Variants in ATCAY observed in about 807,000 individuals in gnomAD.
The protein encoded by ATCAY is caytaxin.
ATCAY carries 22 observed loss-of-function variants against 47.7 expected under a neutral mutation model. That is an observed-to-expected ratio of 0.46 (90% CI 0.33 to 0.66). ATCAY has a LOEUF of 0.66. Among genes scored for constraint, ATCAY ranks in the 30% least tolerant of loss-of-function variants. The probability of loss-of-function intolerance (pLI) is 0.02; values close to 1 mark genes in which losing one functional copy is unlikely to be tolerated. For missense variants in ATCAY, 452 were observed against 515.0 expected (o/e 0.88, Z 1.18); for synonymous variants, 216 against 207.6 (o/e 1.04, Z -0.35).
rs140729605 is a variant in ATCAY at position 3,899,252 on chromosome 19, G to A, written c.78-3235G>A. 3.8e-3 allele frequency among the ~76,000 whole-genome samples: 570 copies of A among 149,714 alleles called. 8 individuals carry two copies. Among genetic ancestry groups the A allele is most frequent in the African/African-American group, 0.013 (527 of 40,772 alleles). The stretch of plus-strand genomic sequence containing the variant: ...GAGGGAAAAAGCATAAATAGATTCC[G>A]CCCCAAAAAGGTTAACAGCTCATGC... On this transcript the variant is annotated intron_variant, in intron 2 of 12. Coordinates refer to ENST00000450849, the MANE Select transcript of ATCAY (RefSeq NM_033064.5).
rs191230181 is a variant in ATCAY at position 3,887,444 on chromosome 19, C to T, written c.77+1600C>T. 2.5e-4 allele frequency among the ~76,000 whole-genome samples: 38 copies of T among 151,798 alleles called. No individual in the cohort carries two copies. In the East Asian group the frequency reaches 6.6e-3, roughly 26 times the overall value. On this transcript the variant is annotated intron_variant, in intron 2 of 12. Coordinates refer to ENST00000450849, the MANE Select transcript of ATCAY (RefSeq NM_033064.5). ...CTGCACTCCAGTCTGGGTGACAGAGCGAGACTCTGTCTCTATTTTATTTTA... is the reference window on the plus strand; with the variant it reads ...CTGCACTCCAGTCTGGGTGACAGAGTGAGACTCTGTCTCTATTTTATTTTA...
chr19:3,905,546 C>T lies in ATCAY; in HGVS notation c.249C>T (p.Asp83=). The T allele has an allele frequency of 1.2e-6, 2 of 1,613,942 alleles. No homozygotes were observed. Among genetic ancestry groups the T allele is most frequent in the South Asian group, 1.1e-5 (1 of 91,078 alleles). Residue 83 remains aspartate, a synonymous_variant, in exon 4 of 13, where the codon GAC becomes GAT. Coordinates refer to ENST00000450849, the MANE Select transcript of ATCAY (RefSeq NM_033064.5). ...GTGAGGGGTCCCTGCTGTCCGATGA[C>T]TTCTTGGATACCCCTGATGACCTGG... ...DQSEGSLLSD[D]FLDTPDDLDI...
At chr19:3,889,037 A>T (rs1361178475) in intron 2 of ATCAY, among the ~76,000 whole-genome samples, 1 of 152,176 alleles carries the variant, frequency 6.6e-6, no homozygotes, top group Non-Finnish European at 1.5e-5. Context: ...TGGGAGGCCA[A>T]GGCGGGAGGA....
At chr19:3,901,545 C>T (rs16992116) in intron 2 of ATCAY, among the ~76,000 whole-genome samples, 21,980 of 152,124 alleles carry the variant, frequency 0.14, 3,741 homozygotes, top group African/African-American at 0.41. Flanking sequence ...ATTCAACTTA[C>T]TAACTTATTT....
chr19:3,906,177 A>AT (rs2038858882), intron 4 of ATCAY, among the ~76,000 whole-genome samples: 1 of 143,678 alleles, frequency 7.0e-6, no homozygotes, highest in Non-Finnish European at 1.6e-5. Context: ...TCTCAAAAAA[A>AT]AAAAAAAAGA....
chr19:3,909,765 C>T, intron 7 of ATCAY, 148 bp downstream of exon 7: 2 of 1,170,420 alleles, frequency 1.7e-6, no homozygotes, highest in Non-Finnish European at 2.4e-6. Flanking sequence ...CCAGCCTGGG[C>T]AACGCAGCAA....
rs184343747 is a variant in ATCAY, at chr19:3,921,286, G to A, written c.1106+488G>A. On this transcript the variant is annotated intron_variant, in intron 12 of 12. Coordinates refer to ENST00000450849, the MANE Select transcript of ATCAY (RefSeq NM_033064.5). ...AGCACTTTGGGAGGCCGAGGCAGGCGGATCATTTGAGGTCAGGAGTTCAAG... is the reference window on the plus strand; with the variant it reads ...AGCACTTTGGGAGGCCGAGGCAGGCAGATCATTTGAGGTCAGGAGTTCAAG... Among the ~76,000 whole-genome samples, 248 of 151,788 alleles carry A rather than the reference G, an allele frequency of 1.6e-3. 2 individuals are homozygous for A. The East Asian group carries it at 0.019, about 12-fold the overall frequency.
chr19:3,920,927 C>A, intron 12 of ATCAY, 129 bp downstream of exon 12: 1 of 1,158,394 alleles, frequency 8.6e-7, no homozygotes, highest in Non-Finnish European at 1.2e-6. Flanking sequence ...GGCAGGGATC[C>A]TAATCCCAGG....
At chr19:3,921,850 T>C (rs2039022546) in intron 12 of ATCAY, among the ~76,000 whole-genome samples, 2 of 151,476 alleles carry the variant, frequency 1.3e-5, no homozygotes, top group Admixed American at 6.6e-5. Flanking sequence ...TGAGCTGAGA[T>C]TGCACCATTG....
chr19:3,886,649 G>A (rs1004507891), intron 2 of ATCAY, among the ~76,000 whole-genome samples: 4 of 150,882 alleles, frequency 2.7e-5, no homozygotes, highest in Non-Finnish European at 4.4e-5. Context: ...CCAGCTACTC[G>A]GGAGGCTGAG....
intron 2 of ATCAY, among the ~76,000 whole-genome samples, chr19:3,898,897 G>T (rs1313557582): frequency 6.6e-6 from 1 of 152,178 alleles, no homozygotes; most frequent in African/African-American, 2.4e-5. Context: ...GGCCAGGATG[G>T]TCTCAATCTC....
At chr19:3,922,451 AC>A (rs1212461730) in intron 12 of ATCAY, among the ~76,000 whole-genome samples, 22 of 152,148 alleles carry the variant, frequency 1.4e-4, no homozygotes, top group Non-Finnish European at 1.6e-4. Flanking sequence ...AGAACTCACT[AC>A]CACGAGAACA....
chr19:3,887,032 C>A (rs2038664048), intron 2 of ATCAY, among the ~76,000 whole-genome samples: 1 of 152,214 alleles, frequency 6.6e-6, no homozygotes, highest in East Asian at 1.9e-4. Context: ...TGTCTCCCCA[C>A]CACACGGAGC....
chr19:3,917,623 A>T, intron 9 of ATCAY, 119 bp from the exon 10 acceptor site: 2 of 969,134 alleles, frequency 2.1e-6, no homozygotes, highest in Non-Finnish European at 1.5e-6. Flanking sequence ...AAGAAGAAGA[A>T]GAAGAAAAGA....
chr19:3,922,149 C>T, intron 12 of ATCAY: 1 of 702,486 alleles, frequency 1.4e-6, no homozygotes, highest in East Asian at 2.7e-5. Context: ...GTCTGCATGG[C>T]TTTTCTTAGC....
intron 9 of ATCAY, among the ~76,000 whole-genome samples, chr19:3,917,310 C>T (rs1599146931): frequency 6.7e-6 from 1 of 149,594 alleles, no homozygotes; most frequent in South Asian, 2.2e-4. Context: ...AGAGGCCGGG[C>T]GCGGTGGTTC....
intron 2 of ATCAY, among the ~76,000 whole-genome samples, chr19:3,889,496 CT>C (rs1363991952): frequency 3.3e-5 from 5 of 151,970 alleles, no homozygotes; most frequent in Non-Finnish European, 7.4e-5. Flanking sequence ...ACTCAGGAGG[CT>C]GAGGCAGGAG....
chr19:3,914,235 CAAAAA>C (rs56742726), intron 9 of ATCAY, among the ~76,000 whole-genome samples: 1 of 62,602 alleles, frequency 1.6e-5, no homozygotes, highest in Admixed American at 2.2e-4. Context: ...GACTCCATCG[CAAAAA>C]AAAAAAAAAA....
At position 3,924,959 on chromosome 19, in the gene ATCAY, A is replaced by C; in HGVS notation, c.*367A>C. 1 of 209,460 alleles carries C rather than the reference A, an allele frequency of 4.8e-6. No homozygotes were observed. The highest frequency in any genetic ancestry group is 2.3e-5 in the African/African-American group (1 of 43,486). The allele number at this position is 209,460 out of a possible 1,614,324, so 13.0% of individuals were successfully genotyped here. On this transcript the variant is annotated 3_prime_UTR_variant, in exon 13 of 13. Transcript: ENST00000450849. ...GTGGTCAGAGCTGGATACAAGATTC[A>C]AGACCCTTCTCTTGCTTGTCACCCG...
Sources: allele counts gnomAD v4.1 joint callset (sites outside exome capture counted in the v4.1 genomes callset), GRCh38; gene constraint gnomAD v4.1.1; transcripts MANE v1.5; gene names NCBI Gene and HGNC (gene_info 2026-07-23, HGNC 2026-07-21).